The following TENM2 variants were observed in gnomAD, a reference collection of about 807,000 sequenced individuals.
The protein encoded by TENM2 is teneurin transmembrane protein 2.
A neutral mutation model predicts 245.2 loss-of-function variants in TENM2; 52 were observed. The ratio of observed to expected loss-of-function variants is 0.21; its 90% confidence interval spans 0.17 to 0.27. The LOEUF is 0.27. TENM2 is among the 10% of genes least tolerant of loss of function. The pLI, the probability that TENM2 is intolerant of heterozygous loss-of-function variation, is 1.00. For missense variants in TENM2, 3,046 were observed against 3,666.8 expected (o/e 0.83, Z 4.37); for synonymous variants, 1,363 against 1,438.9 (o/e 0.95, Z 1.19).
chr5:167,431,970 T>TATATATATACACACATATATATAC (rs199737580), intron 2 of TENM2, among the ~76,000 whole-genome samples: 5 of 135,524 alleles, frequency 3.7e-5, no homozygotes, highest in Non-Finnish European at 6.3e-5. Flanking sequence ...TGTATATATA[T>TATATATATACACACATATATATAC]ATATATATGG....
At chr5:168,005,427 C>A (rs773188657) in intron 5 of TENM2, among the ~76,000 whole-genome samples, 1 of 152,196 alleles carries the variant, frequency 6.6e-6, no homozygotes, top group Non-Finnish European at 1.5e-5. Context: ...ATTTTGCCCA[C>A]GCCCTTTGTA....
intron 1 of TENM2, among the ~76,000 whole-genome samples, chr5:167,308,751 C>T (rs559257472): frequency 1.1e-3 from 160 of 152,286 alleles, no homozygotes; most frequent in Non-Finnish European, 2.1e-3. Flanking sequence ...GGGCTCTGCT[C>T]GTGGTGTTCT....
At chr5:167,909,327 G>A (rs1776365903) in intron 3 of TENM2, among the ~76,000 whole-genome samples, 2 of 152,078 alleles carry the variant, frequency 1.3e-5, no homozygotes, top group African/African-American at 2.4e-5. Context: ...CCTTTGTTCT[G>A]TTGCATAATG....
chr5:167,509,111 C>A (rs1206092122), intron 2 of TENM2, among the ~76,000 whole-genome samples: 1 of 152,210 alleles, frequency 6.6e-6, no homozygotes, highest in East Asian at 1.9e-4. Context: ...AGCCACCCCA[C>A]CCAGCGATCT....
chr5:167,299,239 T>C (rs527659635), intron 1 of TENM2, among the ~76,000 whole-genome samples: 1 of 152,262 alleles, frequency 6.6e-6, no homozygotes, highest in African/African-American at 2.4e-5. Context: ...ATTTGACTAA[T>C]AAAGGCTGGT....
At chr5:167,520,521 T>G (rs1218345086) in intron 2 of TENM2, among the ~76,000 whole-genome samples, 1 of 152,006 alleles carries the variant, frequency 6.6e-6, no homozygotes, top group Non-Finnish European at 1.5e-5. Flanking sequence ...CAGAAACCAG[T>G]GAAGATTTGG....
rs906245997 is a variant in TENM2, at chr5:167,369,427, A to G, written c.227-5771A>G. ...GACTTAATTCTGTTAGATTTTCGTT[A>G]TTCTGTGACCTTTTTGATGAACTAT... is the stretch of plus-strand genomic sequence containing the variant. On this transcript the variant is annotated intron_variant, in intron 1 of 28. Transcript: ENST00000518659. Among the ~76,000 whole-genome samples the G allele has an allele frequency of 5.3e-5, 8 of 150,376 alleles. No individual in the cohort carries two copies. In the East Asian group the frequency reaches 1.6e-3, roughly 30 times the overall value.
chr5:167,902,054 G>T (rs1412842589), intron 3 of TENM2, among the ~76,000 whole-genome samples: 1 of 151,964 alleles, frequency 6.6e-6, no homozygotes, highest in African/African-American at 2.4e-5. Context: ...TCATTTTGAG[G>T]AGCAAATCCC....
the TENM2 span, among the ~76,000 whole-genome samples, chr5:167,049,879 GAC>G: frequency 2.2e-4 from 33 of 152,226 alleles, no homozygotes; most frequent in South Asian, 4.1e-4. Flanking sequence ...AGTCCTTAGG[GAC>G]TAGTCATCTT....
intron 27 of TENM2, among the ~76,000 whole-genome samples, chr5:168,257,325 T>A (rs895179232): frequency 6.6e-6 from 1 of 152,042 alleles, no homozygotes; most frequent in Admixed American, 6.6e-5. Flanking sequence ...AGGCAGAGTC[T>A]GAGCAAGACT....
chr5:167,981,548 GCT>G (rs1782836913), intron 4 of TENM2, among the ~76,000 whole-genome samples: 1 of 152,186 alleles, frequency 6.6e-6, no homozygotes, highest in South Asian at 2.1e-4. Flanking sequence ...AGACAGCTGA[GCT>G]CTTTCATCAC....
intron 27 of TENM2, among the ~76,000 whole-genome samples, chr5:168,254,454 GGAA>G (rs1767450759): frequency 1.4e-5 from 2 of 147,586 alleles, no homozygotes; most frequent in African/African-American, 5.3e-5. Flanking sequence ...GAGAGGAAGA[GGAA>G]GAAGGGGAGG....
At chr5:168,158,973 A>G (rs1015493412) in intron 12 of TENM2, among the ~76,000 whole-genome samples, 1 of 148,594 alleles carries the variant, frequency 6.7e-6, no homozygotes, top group Non-Finnish European at 1.5e-5. Context: ...GTATACATAT[A>G]TATATATACA....
chr5:167,424,834 G>T (rs1264717789), intron 2 of TENM2, among the ~76,000 whole-genome samples: 1 of 152,076 alleles, frequency 6.6e-6, no homozygotes, highest in East Asian at 1.9e-4. Flanking sequence ...TATTATTCTT[G>T]CAGGTTTGGG....
chr5:167,639,436 T>A (rs1342552297), intron 2 of TENM2, among the ~76,000 whole-genome samples: 1 of 152,222 alleles, frequency 6.6e-6, no homozygotes, highest in Non-Finnish European at 1.5e-5. Context: ...GTTCTTATCA[T>A]GGCTTTCAAA....
intron 1 of TENM2, among the ~76,000 whole-genome samples, chr5:167,357,303 T>TC (rs1340112159): frequency 1.6e-4 from 24 of 150,432 alleles, no homozygotes; most frequent in Admixed American, 9.3e-4. Context: ...ATCCTTTCTT[T>TC]TTTTTTTTTT....
At chr5:168,109,983 G>C (rs977494707) in intron 9 of TENM2, among the ~76,000 whole-genome samples, 1 of 151,660 alleles carries the variant, frequency 6.6e-6, no homozygotes, top group African/African-American at 2.4e-5. Context: ...ACTTCGCGGG[G>C]CTTCAGTCCG....
intron 2 of TENM2, among the ~76,000 whole-genome samples, chr5:167,412,077 G>C (rs987377146): frequency 6.6e-6 from 1 of 152,018 alleles, no homozygotes; most frequent in Non-Finnish European, 1.5e-5. Context: ...GGGATTTAAG[G>C]GTTCACCTGG....
intron 5 of TENM2, among the ~76,000 whole-genome samples, chr5:168,012,825 G>C (rs1785353748): frequency 7.0e-6 from 1 of 143,748 alleles, no homozygotes; most frequent in African/African-American, 2.6e-5. Flanking sequence ...ATTGAGGCTT[G>C]ATTTCCTGAC....
Sources: gnomAD v4.1 joint callset for allele counts (sites outside exome capture counted in the v4.1 genomes callset) on GRCh38, gnomAD v4.1.1 for gene constraint, MANE v1.5 for transcripts, NCBI Gene and HGNC (gene_info 2026-07-23, HGNC 2026-07-21) for gene names.